Variants in SLC39A11 observed in about 807,000 individuals in gnomAD.
The protein encoded by SLC39A11 is solute carrier family 39 member 11, also known as zinc transporter ZIP11.
A neutral mutation model predicts 36.1 loss-of-function variants in SLC39A11; 33 were observed. That is an observed-to-expected ratio of 0.91 (90% confidence interval 0.69 to 1.22). SLC39A11 has a LOEUF of 1.22. Among genes scored for constraint, SLC39A11 ranks in the 50% most tolerant of loss-of-function variants. The pLI, the probability that SLC39A11 is intolerant of heterozygous loss-of-function variation, is 0.00. For synonymous variants in SLC39A11, 166 were observed against 170.3 expected (o/e 0.97, Z 0.20); for missense variants, 432 against 430.3 (o/e 1.00, Z -0.03).
intron 4 of SLC39A11, among the ~76,000 whole-genome samples, chr17:72,963,161 T>C (rs987479974): frequency 8.1e-6 from 1 of 123,396 alleles, no homozygotes; most frequent in Non-Finnish European, 1.6e-5. Context: ...TAATTCTTTT[T>C]TTCCTTTCTT....
chr17:72,726,729 T>A, intron 7 of SLC39A11, among the ~76,000 whole-genome samples: 1 of 152,230 alleles, frequency 6.6e-6, no homozygotes, highest in Non-Finnish European at 1.5e-5. Flanking sequence ...TAAATAATTG[T>A]TAATATATCA....
chr17:72,693,668 A>G (rs1186543838), intron 7 of SLC39A11, among the ~76,000 whole-genome samples: 2 of 152,036 alleles, frequency 1.3e-5, no homozygotes, highest in Non-Finnish European at 2.9e-5. Flanking sequence ...AGCTGCCACA[A>G]TCAACTTCCT....
chr17:72,896,344 G>A (rs1717201941), intron 5 of SLC39A11, among the ~76,000 whole-genome samples: 1 of 151,810 alleles, frequency 6.6e-6, no homozygotes, highest in South Asian at 2.1e-4. Context: ...TGGGATTACA[G>A]ATGCCTGCCA....
intron 7 of SLC39A11, among the ~76,000 whole-genome samples, chr17:72,732,416 G>A (rs531581632): frequency 6.6e-6 from 1 of 152,192 alleles, no homozygotes; most frequent in East Asian, 1.9e-4. Flanking sequence ...TCTCTTTCCT[G>A]TACAAAGATC....
intron 5 of SLC39A11, among the ~76,000 whole-genome samples, chr17:72,859,500 AG>A (rs1324992254): frequency 6.6e-6 from 1 of 152,058 alleles, no homozygotes; most frequent in Non-Finnish European, 1.5e-5. Context: ...TTGGAGCTGC[AG>A]ATCCCGCTTG....
chr17:72,971,883 C>T (rs2087485723), intron 4 of SLC39A11, among the ~76,000 whole-genome samples: 2 of 152,142 alleles, frequency 1.3e-5, no homozygotes, highest in Admixed American at 1.3e-4. Flanking sequence ...ATCTACAAAG[C>T]ACCTACGGTT....
intron 7 of SLC39A11, among the ~76,000 whole-genome samples, chr17:72,704,412 C>G (rs1161057442): frequency 6.6e-6 from 1 of 152,186 alleles, no homozygotes; most frequent in African/African-American, 2.4e-5. Context: ...TGGAGAACAG[C>G]TCCCCAGTTT....
intron 7 of SLC39A11, among the ~76,000 whole-genome samples, chr17:72,734,510 C>A (rs2074345380): frequency 6.6e-6 from 1 of 152,198 alleles, no homozygotes; most frequent in African/African-American, 2.4e-5. Context: ...GCTGAAAACA[C>A]CAAGGCCTGC....
At chr17:72,911,201 G>A (rs1440556611) in intron 5 of SLC39A11, among the ~76,000 whole-genome samples, 1 of 152,016 alleles carries the variant, frequency 6.6e-6, no homozygotes, top group Non-Finnish European at 1.5e-5. Context: ...ACACTCATAG[G>A]TGGGAATTGA....
chr17:72,960,906 C>A (rs2086569199), intron 4 of SLC39A11, among the ~76,000 whole-genome samples: 1 of 152,094 alleles, frequency 6.6e-6, no homozygotes, highest in Non-Finnish European at 1.5e-5. Flanking sequence ...ATTACCAATC[C>A]TGGAAAAGAG....
chr17:72,768,140 A>C (rs972431655), intron 6 of SLC39A11, among the ~76,000 whole-genome samples: 4 of 152,178 alleles, frequency 2.6e-5, no homozygotes, highest in Admixed American at 6.5e-5. Context: ...AAAAAACCTG[A>C]AAAGATATCT....
rs192409118 is a variant in SLC39A11, at chr17:72,979,635, C to T, written c.307-31760G>A. Among the ~76,000 whole-genome samples, 5 of 152,266 alleles carry T rather than the reference C, an allele frequency of 3.3e-5. No individual in the cohort carries two copies. In the East Asian group the frequency reaches 9.7e-4, roughly 29 times the overall value. ...GTGTGAAGCGCCACAGAAAATCGAGCCAGTTCAGGCCCCTGCCTTGTCCCT... is the reference window on the plus strand; with the variant it reads ...GTGTGAAGCGCCACAGAAAATCGAGTCAGTTCAGGCCCCTGCCTTGTCCCT... On this transcript the variant is annotated intron_variant, in intron 4 of 9. Coordinates refer to ENST00000255559, the MANE Select transcript of SLC39A11 (RefSeq NM_139177.4).
chr17:73,079,186 C>T (rs1237855541), intron 3 of SLC39A11, among the ~76,000 whole-genome samples: 2 of 152,098 alleles, frequency 1.3e-5, no homozygotes, highest in Non-Finnish European at 2.9e-5. Context: ...CAACCTCTGC[C>T]TCCCCGGTTC....
chr17:72,959,698 A>G (rs2086489865), intron 4 of SLC39A11, among the ~76,000 whole-genome samples: 1 of 152,014 alleles, frequency 6.6e-6, no homozygotes, highest in African/African-American at 2.4e-5. Context: ...TACCACCTGT[A>G]CCCCAATAAC....
chr17:72,788,448 C>A (rs1235465884), intron 6 of SLC39A11, among the ~76,000 whole-genome samples: 1 of 152,118 alleles, frequency 6.6e-6, no homozygotes, highest in Non-Finnish European at 1.5e-5. Context: ...GAGAAGAGGG[C>A]AACAAAGGTC....
At chr17:73,046,174 A>G (rs755063537) in intron 3 of SLC39A11, among the ~76,000 whole-genome samples, 1 of 152,200 alleles carries the variant, frequency 6.6e-6, no homozygotes, top group Non-Finnish European at 1.5e-5. Context: ...CCCACCTGCT[A>G]GCTTCATGCC....
intron 6 of SLC39A11, among the ~76,000 whole-genome samples, chr17:72,797,853 C>A (rs893171303): frequency 2.0e-5 from 3 of 152,244 alleles, no homozygotes; most frequent in Admixed American, 6.5e-5. Flanking sequence ...GGGGCACTGA[C>A]CCATGAGGCT....
chr17:72,907,716 C>G (rs1001642136), intron 5 of SLC39A11, among the ~76,000 whole-genome samples: 19 of 152,232 alleles, frequency 1.2e-4, no homozygotes, highest in African/African-American at 4.1e-4. Context: ...TCAGGTGATC[C>G]AGTTCCATTC....
At chr17:72,695,797 T>C (rs1228464720) in intron 7 of SLC39A11, among the ~76,000 whole-genome samples, 9 of 152,248 alleles carry the variant, frequency 5.9e-5, no homozygotes, top group Admixed American at 3.9e-4. Flanking sequence ...GAGACCGGAA[T>C]GATGCGGCCA....
Sources: allele counts gnomAD v4.1 joint callset (sites outside exome capture counted in the v4.1 genomes callset), GRCh38; gene constraint gnomAD v4.1.1; transcripts MANE v1.5; gene names NCBI Gene and HGNC (gene_info 2026-07-23, HGNC 2026-07-21).